The following DMD variants were observed in gnomAD, a reference collection of about 807,000 sequenced individuals.
DMD encodes the protein dystrophin.
DMD carries 63 observed loss-of-function variants against 330.1 expected under a neutral mutation model. The ratio of observed to expected loss-of-function variants is 0.19; its 90% confidence interval spans 0.16 to 0.24. The LOEUF is 0.24. DMD is among the 10% of genes least tolerant of loss of function. The pLI is 1.00. For missense variants in DMD, 3,344 were observed against 2,684.1 expected, an observed-to-expected ratio of 1.25 and a Z score of -5.43; for synonymous variants, 1,223 against 959.8, an observed-to-expected ratio of 1.27 and a Z score of -5.07.
intron 1 of DMD, among the ~76,000 whole-genome samples, chrX:33,102,231 T>C (rs6631737): frequency 0.36 from 39,578 of 109,266 alleles, 5,626 homozygotes; most frequent in East Asian, 0.85. Flanking sequence ...AATTTATTCA[T>C]TAAAAGAATC....
chrX:31,760,782 C>G (rs768026066), intron 51 of DMD, among the ~76,000 whole-genome samples: 52 of 111,223 alleles, frequency 4.7e-4, no homozygotes, highest in Non-Finnish European at 7.0e-4. Flanking sequence ...TTTCTCTTAC[C>G]TTCCTTATTT....
chrX:31,521,970 C>A, intron 55 of DMD, among the ~76,000 whole-genome samples: 1 of 111,223 alleles, frequency 9.0e-6, no homozygotes, highest in Middle Eastern at 4.6e-3. Flanking sequence ...GATGTAAGTT[C>A]TCTATTTTAA....
intron 1 of DMD, among the ~76,000 whole-genome samples, chrX:33,042,017 A>G (rs1234937529): frequency 9.0e-6 from 1 of 111,027 alleles, no homozygotes; most frequent in East Asian, 2.8e-4. Flanking sequence ...GGTTTACACA[A>G]CTCTTAGATG....
At chrX:31,897,539 A>G (rs1400661365) in intron 47 of DMD, among the ~76,000 whole-genome samples, 3 of 93,929 alleles carry the variant, frequency 3.2e-5, no homozygotes, top group Admixed American at 1.2e-4. Flanking sequence ...AGTCCCACCA[A>G]CAGTGTAAAA....
intron 61 of DMD, among the ~76,000 whole-genome samples, chrX:31,327,268 G>T (rs1453136976): frequency 1.8e-5 from 2 of 112,189 alleles, no homozygotes; most frequent in Non-Finnish European, 3.8e-5. Flanking sequence ...TACAGACACA[G>T]TATGTTATTA....
chrX:31,187,559 G>A (rs1366311360), intron 67 of DMD, among the ~76,000 whole-genome samples: 1 of 111,401 alleles, frequency 9.0e-6, no homozygotes, highest in African/African-American at 3.3e-5. Context: ...CAGATCAATC[G>A]TCCAGCAAAA....
At chrX:32,972,180 T>G (rs1042983651) in intron 2 of DMD, among the ~76,000 whole-genome samples, 2 of 110,608 alleles carry the variant, frequency 1.8e-5, no homozygotes, top group Non-Finnish European at 3.8e-5. Context: ...CGCTTATAAT[T>G]TTTTTGGTTT....
intron 27 of DMD, among the ~76,000 whole-genome samples, chrX:32,443,145 A>ACCACCTG (rs760990838): frequency 9.0e-6 from 1 of 110,742 alleles, no homozygotes; most frequent in Non-Finnish European, 1.9e-5. Flanking sequence ...ACCACTTACT[A>ACCACCTG]CCACCTGCCC....
At chrX:32,159,321 G>A (rs2096840795) in intron 44 of DMD, among the ~76,000 whole-genome samples, 1 of 112,136 alleles carries the variant, frequency 8.9e-6, no homozygotes, top group Non-Finnish European at 1.9e-5. Context: ...TATGTTACAA[G>A]GAGATAAGCA....
chrX:31,522,519 T>C (rs1569549204), intron 55 of DMD, among the ~76,000 whole-genome samples: 1 of 106,270 alleles, frequency 9.4e-6, no homozygotes, highest in African/African-American at 3.5e-5. Flanking sequence ...AGTGAAAAGG[T>C]ACATTAGAGG....
intron 7 of DMD, among the ~76,000 whole-genome samples, chrX:32,798,267 A>G (rs1044006253): frequency 2.7e-5 from 3 of 112,145 alleles, no homozygotes; most frequent in Non-Finnish European, 5.6e-5. Context: ...GAAATGGATA[A>G]GGAGAACAAA....
At chrX:31,399,331 T>A (rs1371664812) in intron 60 of DMD, among the ~76,000 whole-genome samples, 2 of 107,662 alleles carry the variant, frequency 1.9e-5, no homozygotes, top group Non-Finnish European at 3.8e-5. Flanking sequence ...AAACTGTCCC[T>A]CTAAAGTCAA....
chrX:33,240,116 A>G (rs1290096800), intron 1 of DMD, among the ~76,000 whole-genome samples: 1 of 111,575 alleles, frequency 9.0e-6, no homozygotes, highest in East Asian at 2.8e-4. Flanking sequence ...CTCAATCCGT[A>G]TCATCATTAA....
intron 7 of DMD, among the ~76,000 whole-genome samples, chrX:32,722,664 C>A (rs952278428): frequency 1.8e-5 from 2 of 110,752 alleles, no homozygotes; most frequent in African/African-American, 3.3e-5. Flanking sequence ...ACGTATTTTT[C>A]ACTTTCTTCT....
intron 29 of DMD, among the ~76,000 whole-genome samples, chrX:32,418,345 T>C (rs2098174425): frequency 9.0e-6 from 1 of 110,704 alleles, no homozygotes; most frequent in South Asian, 3.8e-4. Context: ...AGACAGAAAA[T>C]GGTTTACGGG....
chrX:32,308,495 A>G (rs970920107), intron 42 of DMD, among the ~76,000 whole-genome samples: 5 of 111,233 alleles, frequency 4.5e-5, no homozygotes, highest in South Asian at 3.7e-4. Context: ...AAAAAAGTCA[A>G]TGAAGGTAGG....
chrX:31,173,497 T>C (rs1184143072), intron 72 of DMD, 42 bp downstream of exon 72: 1 of 1,163,284 alleles, frequency 8.6e-7, no homozygotes, highest in Non-Finnish European at 1.2e-6. Context: ...CTTGGTTAGT[T>C]ATTTCAATCA....
intron 44 of DMD, among the ~76,000 whole-genome samples, chrX:32,026,880 G>A (rs1201015722): frequency 9.0e-6 from 1 of 110,682 alleles, no homozygotes; most frequent in South Asian, 3.8e-4. Context: ...CTAGGTCTTT[G>A]GGACTCTTTT....
chrX:32,866,138 C>T (rs1274021947), intron 2 of DMD, among the ~76,000 whole-genome samples: 1 of 111,862 alleles, frequency 8.9e-6, no homozygotes, highest in Non-Finnish European at 1.9e-5. Flanking sequence ...CAAGTGGAAC[C>T]GAGTCAAGTT....
Sources: gnomAD v4.1 joint callset for allele counts (sites outside exome capture counted in the v4.1 genomes callset) on GRCh38, gnomAD v4.1.1 for gene constraint, MANE v1.5 for transcripts, NCBI Gene and HGNC (gene_info 2026-07-23, HGNC 2026-07-21) for gene names.